GRID2: variants seen among roughly 807,000 people sequenced by gnomAD.
GRID2 encodes the protein glutamate receptor ionotropic, delta-2.
In GRID2, 33 loss-of-function variants were observed where a neutral mutation model predicts 114.8. The observed-to-expected ratio is 0.29, with a 90% CI of 0.22 to 0.38. The LOEUF is 0.38. Among genes scored for constraint, GRID2 ranks in the 10% least tolerant of loss-of-function variants. The pLI, the probability that GRID2 is intolerant of heterozygous loss-of-function variation, is 1.00. For missense variants in GRID2, 1,184 were observed against 1,257.7 expected, an observed-to-expected ratio of 0.94 and a Z score of 0.89; for synonymous variants, 505 against 449.9, an observed-to-expected ratio of 1.12 and a Z score of -1.55.
chr4:93,156,832 A>T (rs941375937), intron 4 of GRID2, among the ~76,000 whole-genome samples: 54 of 151,780 alleles, frequency 3.6e-4, no homozygotes, highest in African/African-American at 1.1e-3. Context: ...GGTGGTTTTT[A>T]AAGGACTAAC....
chr4:92,481,001 T>C (rs1392413941), intron 1 of GRID2, among the ~76,000 whole-genome samples: 2 of 152,146 alleles, frequency 1.3e-5, no homozygotes, highest in Non-Finnish European at 2.9e-5. Flanking sequence ...GAGGTTTCTA[T>C]GCTCTACATG....
chr4:92,989,249 C>CCTGGATGACAATTCATCATAATTTAT (rs1754698779), intron 2 of GRID2, among the ~76,000 whole-genome samples: 1 of 134,604 alleles, frequency 7.4e-6, no homozygotes, highest in African/African-American at 2.9e-5. Context: ...TGCACTCCAG[C>CCTGGATGACAATTCATCATAATTTAT]CTGGGTGACA....
At chr4:92,677,433 T>A (rs1452214718) in intron 2 of GRID2, among the ~76,000 whole-genome samples, 4 of 152,182 alleles carry the variant, frequency 2.6e-5, no homozygotes, top group African/African-American at 4.8e-5. Flanking sequence ...TAATAACTCT[T>A]AGGTGGTAAG....
chr4:92,931,377 G>A (rs76792884), intron 2 of GRID2, among the ~76,000 whole-genome samples: 3 of 150,812 alleles, frequency 2.0e-5, no homozygotes, highest in Non-Finnish European at 4.5e-5. Flanking sequence ...CTAATTTATT[G>A]TTACAGATGA....
intron 2 of GRID2, among the ~76,000 whole-genome samples, chr4:92,708,909 C>T (rs1579887868): frequency 6.6e-6 from 1 of 152,064 alleles, no homozygotes; most frequent in Non-Finnish European, 1.5e-5. Context: ...AAGAGTGAAA[C>T]TCCGTCTCTA....
At chr4:92,520,481 T>C (rs1250499360) in intron 1 of GRID2, among the ~76,000 whole-genome samples, 1 of 152,006 alleles carries the variant, frequency 6.6e-6, no homozygotes, top group Non-Finnish European at 1.5e-5. Flanking sequence ...GCCAATTTTG[T>C]ATTCTCTTTG....
chr4:93,602,079 G>A (rs541665409), intron 13 of GRID2, among the ~76,000 whole-genome samples: 22 of 152,240 alleles, frequency 1.4e-4, no homozygotes, highest in African/African-American at 4.3e-4. Flanking sequence ...CATGCTCAGC[G>A]AGTGATATTG....
Position 93,772,764 on chromosome 4 carries a change from G to A in GRID2, c.*266G>A, listed in dbSNP as rs1271287965. 2.3e-6 allele frequency: 1 copy of A among 429,406 alleles called. No homozygotes were observed. Among genetic ancestry groups the A allele is most frequent in the Non-Finnish European group, 4.1e-6 (1 of 243,084 alleles). 26.6% of individuals were successfully genotyped at this position (429,406 alleles called of 1,614,324 possible). A position where few individuals can be genotyped will look rare whatever the true frequency, so the allele number is the denominator to read the frequency against. ...AAGGTAGTGTACTAGGATCCTATTA[G>A]TCTGCTTTTCATATACTGTACATCA... On this transcript the variant is annotated 3_prime_UTR_variant, in exon 16 of 16. Coordinates refer to ENST00000282020, the MANE Select transcript of GRID2 (RefSeq NM_001510.4).
At chr4:92,452,559 C>A (rs376884305) in intron 1 of GRID2, among the ~76,000 whole-genome samples, 49 of 152,202 alleles carry the variant, frequency 3.2e-4, no homozygotes, top group African/African-American at 1.1e-3. Context: ...CTCCTGACCT[C>A]AGGTGATCCA....
At chr4:93,514,608 A>G (rs922494307) in intron 12 of GRID2, among the ~76,000 whole-genome samples, 7 of 152,120 alleles carry the variant, frequency 4.6e-5, no homozygotes, top group African/African-American at 1.7e-4. Context: ...CAAGTCACTT[A>G]TTCTCTCAAC....
At chr4:93,049,372 T>G (rs1275068546) in intron 2 of GRID2, among the ~76,000 whole-genome samples, 1 of 152,014 alleles carries the variant, frequency 6.6e-6, no homozygotes, top group Non-Finnish European at 1.5e-5. Flanking sequence ...ATGTCCAAAA[T>G]AATGAAACAT....
chr4:93,427,994 A>G (rs531315136), intron 10 of GRID2, among the ~76,000 whole-genome samples: 5 of 152,210 alleles, frequency 3.3e-5, no homozygotes, highest in Non-Finnish European at 5.9e-5. Flanking sequence ...AGAACTTTCA[A>G]TAAGAAATAA....
At chr4:93,727,848 T>C (rs1398242999) in intron 14 of GRID2, among the ~76,000 whole-genome samples, 1 of 152,218 alleles carries the variant, frequency 6.6e-6, no homozygotes, top group African/African-American at 2.4e-5. Context: ...TTATCATTTT[T>C]TATTGCATCT....
intron 2 of GRID2, among the ~76,000 whole-genome samples, chr4:92,679,062 A>T (rs929394814): frequency 6.6e-6 from 1 of 151,468 alleles, no homozygotes; most frequent in African/African-American, 2.4e-5. Flanking sequence ...AATAAATGTG[A>T]TCAGTTTTAA....
chr4:93,708,138 A>C (rs545208513), intron 14 of GRID2, among the ~76,000 whole-genome samples: 1 of 152,126 alleles, frequency 6.6e-6, no homozygotes, highest in Middle Eastern at 3.4e-3. Context: ...CCATGTACTG[A>C]AGAGAAGAAT....
At chr4:93,260,150 C>T (rs2149547858) in intron 8 of GRID2, among the ~76,000 whole-genome samples, 1 of 151,528 alleles carries the variant, frequency 6.6e-6, no homozygotes, top group South Asian at 2.1e-4. Flanking sequence ...GATACTTTGC[C>T]CTACTGGAGA....
At chr4:93,781,565 C>A (rs917025404) in intron 1 of GRID2, among the ~76,000 whole-genome samples, 1 of 152,084 alleles carries the variant, frequency 6.6e-6, no homozygotes, top group Non-Finnish European at 1.5e-5. Flanking sequence ...GGTTCCAGGA[C>A]CCCCCTCAGA....
chr4:92,798,855 T>C (rs575676580), intron 2 of GRID2, among the ~76,000 whole-genome samples: 2 of 152,130 alleles, frequency 1.3e-5, no homozygotes, highest in East Asian at 3.9e-4. Flanking sequence ...TGTATGCTAC[T>C]TGCATGGCTA....
intron 2 of GRID2, among the ~76,000 whole-genome samples, chr4:92,969,181 G>T (rs1360914556): frequency 6.6e-6 from 1 of 151,364 alleles, no homozygotes; most frequent in African/African-American, 2.4e-5. Flanking sequence ...AATTATTTTT[G>T]AATTCCCCTA....
Sources: gnomAD v4.1 joint callset for allele counts (sites outside exome capture counted in the v4.1 genomes callset) on GRCh38, gnomAD v4.1.1 for gene constraint, MANE v1.5 for transcripts, NCBI Gene and HGNC (gene_info 2026-07-23, HGNC 2026-07-21) for gene names.